Variants in INPP5B observed in about 807,000 individuals in gnomAD.
INPP5B encodes the protein type II inositol 1,4,5-trisphosphate 5-phosphatase.
Under a neutral mutation model 118.5 loss-of-function variants are expected in INPP5B, and 90 were observed. That is an observed-to-expected ratio of 0.76 (90% CI 0.64 to 0.90). The LOEUF is 0.90. Ranked by LOEUF, INPP5B falls within the 40% of genes least tolerant of loss-of-function variation. INPP5B has a pLI of 0.00. For synonymous variants in INPP5B, 385 were observed against 418.9 expected, an observed-to-expected ratio of 0.92 and a Z score of 0.99; for missense variants, 984 against 1,125.6, an observed-to-expected ratio of 0.87 and a Z score of 1.80.
At chr1:37,923,530 A>G (rs12746544) in intron 7 of INPP5B, among the ~76,000 whole-genome samples, 89,594 of 151,972 alleles carry the variant, frequency 0.59, 28,296 homozygotes, top group Non-Finnish European at 0.71. Context: ...AGATCCCTAA[A>G]GGAGAGGGAA....
intron 7 of INPP5B, among the ~76,000 whole-genome samples, chr1:37,904,348 T>C (rs1181108550): frequency 1.3e-5 from 2 of 151,714 alleles, no homozygotes; most frequent in Non-Finnish European, 2.9e-5. Context: ...AATAAATAAA[T>C]AAGAAGTCAC....
At chr1:37,928,304 G>C (rs1242459750) in intron 7 of INPP5B, among the ~76,000 whole-genome samples, 1 of 152,060 alleles carries the variant, frequency 6.6e-6, no homozygotes, top group African/African-American at 2.4e-5. Flanking sequence ...CTCCCAAGTA[G>C]CAGGGATTAC....
chr1:37,945,732 G>T, intron 3 of INPP5B, 24 bp downstream of exon 3: 4 of 1,584,366 alleles, frequency 2.5e-6, no homozygotes, highest in Non-Finnish European at 3.5e-6. Context: ...GCCCAGACAG[G>T]TGGGGACCAA....
chr1:37,896,730 A>T (rs1460086023), intron 7 of INPP5B, among the ~76,000 whole-genome samples: 1 of 36,994 alleles, frequency 2.7e-5, no homozygotes, highest in Admixed American at 3.0e-4. Flanking sequence ...GAGGTGGGGG[A>T]GTCAGCCCCC....
At chr1:37,928,181 T>G (rs911616418) in intron 7 of INPP5B, among the ~76,000 whole-genome samples, 1 of 151,988 alleles carries the variant, frequency 6.6e-6, no homozygotes, top group Non-Finnish European at 1.5e-5. Context: ...ACAGCTTTTT[T>G]TTTTCTGAGG....
chr1:37,878,939 C>T (rs1420985624), intron 15 of INPP5B, among the ~76,000 whole-genome samples: 3 of 150,492 alleles, frequency 2.0e-5, no homozygotes, highest in African/African-American at 4.9e-5. Context: ...CGTGAGCCAC[C>T]GCACCCAGCC....
intron 6 of INPP5B, among the ~76,000 whole-genome samples, chr1:37,936,381 G>T (rs1045889225): frequency 3.3e-5 from 5 of 151,990 alleles, no homozygotes; most frequent in Admixed American, 2.0e-4. Context: ...CGCACTTTGG[G>T]AGGCCGAGGC....
chr1:37,943,784 C>T lies in INPP5B; in HGVS notation c.250+12G>A. On this transcript the variant is annotated intron_variant, in intron 4 of 23. Coordinates refer to ENST00000373024, the MANE Select transcript of INPP5B (RefSeq NM_005540.3). ...TAGGAGAGGATTCATACCACCCAGC[C>T]CCCTGTGGCACCTTCTTCCAGCGTA... 1 of 1,613,326 alleles carries T rather than the reference C, an allele frequency of 6.2e-7. No individual in the cohort carries two copies. The highest frequency in any genetic ancestry group is 8.5e-7 in the Non-Finnish European group (1 of 1,179,298).
chr1:37,866,252 G>A (rs1171689772), intron 21 of INPP5B, among the ~76,000 whole-genome samples: 1 of 152,130 alleles, frequency 6.6e-6, no homozygotes, highest in East Asian at 1.9e-4. Context: ...GATGGACCCT[G>A]TCTCAAAAAA....
At chr1:37,877,649 A>ACATGT (rs1642925519) in intron 16 of INPP5B, among the ~76,000 whole-genome samples, 1 of 152,268 alleles carries the variant, frequency 6.6e-6, no homozygotes, top group Non-Finnish European at 1.5e-5. Flanking sequence ...ACACAAACAT[A>ACATGT]CATGTGAAGG....
At chr1:37,946,145 C>T (rs778995786) in intron 2 of INPP5B, 107 bp downstream of exon 2, 5 of 1,057,994 alleles carry the variant, frequency 4.7e-6, no homozygotes, top group South Asian at 1.4e-5. Context: ...TTCCTTCTCC[C>T]CTGATGGTTC....
At chr1:37,886,329 A>G (rs758703695) in intron 12 of INPP5B, among the ~76,000 whole-genome samples, 6 of 151,678 alleles carry the variant, frequency 4.0e-5, no homozygotes, top group Non-Finnish European at 8.8e-5. Context: ...TGAATCCACA[A>G]CCTAACTCTC....
chr1:37,933,884 T>C (rs931884598), intron 6 of INPP5B, among the ~76,000 whole-genome samples: 1 of 149,090 alleles, frequency 6.7e-6, no homozygotes, highest in Non-Finnish European at 1.5e-5. Flanking sequence ...CCTGGTCCCA[T>C]TACTTCAATT....
intron 16 of INPP5B, 27 bp from the exon 17 acceptor site, chr1:37,875,743 T>G: frequency 6.4e-7 from 1 of 1,553,442 alleles, no homozygotes; most frequent in Non-Finnish European, 8.9e-7. Flanking sequence ...AGAGACTGAG[T>G]ACCTTGGCTT....
In INPP5B at chr1:37,933,613, G is replaced by A. The variant is rs370034740; in HGVS notation, c.392-1560C>T. Among the ~76,000 whole-genome samples, 73 of 151,950 alleles carry A rather than the reference G, an allele frequency of 4.8e-4. 2 individuals carry two copies. The East Asian group carries it at 0.014, about 28-fold the overall frequency. On this transcript the variant is annotated intron_variant, in intron 6 of 23. Transcript: ENST00000373024. Reference sequence around the variant, plus strand: ...CGGGCACCTGTAATCCCAGCTACTCGGGAGGCTGAGGCAGGAGAATAACCT... The same window carrying A: ...CGGGCACCTGTAATCCCAGCTACTCAGGAGGCTGAGGCAGGAGAATAACCT...
chr1:37,868,504 C>A lies in INPP5B; in HGVS notation c.2298G>T (p.Gln766His). Residue 766 changes from glutamine (Q) to histidine (H), a missense_variant, in exon 20 of 24, where the codon CAG (glutamine) becomes CAT (histidine). Around this residue, in one of 2 missense-constraint regions of INPP5B, gnomAD observed 634 missense variants for 791.0 expected, o/e 0.80. Coordinates refer to ENST00000373024, the MANE Select transcript of INPP5B (RefSeq NM_005540.3). ...MVDYLYRNAV[Q>H]QEDLFQQPGL... Reference sequence around the variant, plus strand: ...TGAATGCTTAAACACAACCTACCTGCTGGACAGCATTTCGGTACAGGTAAT... The same window carrying A: ...TGAATGCTTAAACACAACCTACCTGATGGACAGCATTTCGGTACAGGTAAT... The A allele has an allele frequency of 1.2e-6, 2 of 1,610,418 alleles. No individual in the cohort carries two copies. The highest frequency in any genetic ancestry group is 8.5e-7 in the Non-Finnish European group (1 of 1,176,676).
intron 7 of INPP5B, among the ~76,000 whole-genome samples, chr1:37,918,286 T>C (rs977795897): frequency 1.3e-5 from 2 of 152,188 alleles, no homozygotes; most frequent in African/African-American, 4.8e-5. Flanking sequence ...AATCTTCCTG[T>C]ACAGGTTAAG....
intron 13 of INPP5B, chr1:37,883,680 C>G: frequency 1.0e-6 from 1 of 985,420 alleles, no homozygotes; most frequent in Non-Finnish European, 1.2e-6. Context: ...TAGGATGCTG[C>G]AGGTTCACCA....
chr1:37,887,010 A>G lies in INPP5B; in HGVS notation c.1015-6T>C. On this transcript the variant is annotated splice_polypyrimidine_tract_variant and splice_region_variant and intron_variant, in intron 11 of 23. Transcript: ENST00000373024. Reference sequence around the variant, plus strand: ...ACCAGTCGGATAAGCTTCACCTGGAAAAGAGAGACATGGCATTAAATAGAA... The same window carrying G: ...ACCAGTCGGATAAGCTTCACCTGGAGAAGAGAGACATGGCATTAAATAGAA... The G allele has an allele frequency of 6.2e-7, 1 of 1,609,748 alleles. No homozygotes were observed. Among genetic ancestry groups the G allele is most frequent in the South Asian group, 1.1e-5 (1 of 90,882 alleles).
Sources: gnomAD v4.1 joint callset for allele counts (sites outside exome capture counted in the v4.1 genomes callset) on GRCh38, gnomAD v4.1.1 for gene constraint, gnomAD v4.1.1 regional missense constraint, MANE v1.5 for transcripts, NCBI Gene and HGNC (gene_info 2026-07-23, HGNC 2026-07-21) for gene names.